NBPF11: variants seen among roughly 807,000 people sequenced by gnomAD.
The protein encoded by NBPF11 is NBPF family member NBPF11.
NBPF11 carries 72 observed loss-of-function variants against 93.9 expected under a neutral mutation model. The observed-to-expected ratio is 0.77, with a 90% CI of 0.63 to 0.93. The LOEUF (loss-of-function observed/expected upper bound fraction) is 0.93. Among genes scored for constraint, NBPF11 ranks in the 40% least tolerant of loss-of-function variants. The probability of loss-of-function intolerance (pLI) is 0.00; values close to 1 mark genes in which losing one functional copy is unlikely to be tolerated. For synonymous variants in NBPF11, 224 were observed against 304.9 expected, an observed-to-expected ratio of 0.73 and a Z score of 2.76; for missense variants, 705 against 802.2, an observed-to-expected ratio of 0.88 and a Z score of 1.46.
Position 148,103,771 on chromosome 1 carries a change from T to C in NBPF11, c.*125A>G. ...TGTCAAGGGCAAAGCTGATGTGCTG[T>C]TCCTCAAATGAGTAAAACACACTTC... is the stretch of plus-strand genomic sequence containing the variant. On this transcript the variant is annotated 3_prime_UTR_variant, in exon 24 of 24. Transcript: ENST00000682118. The C allele has an allele frequency of 2.5e-6, 4 of 1,611,890 alleles. No homozygotes were observed. The highest frequency in any genetic ancestry group is 2.2e-5 in the East Asian group (1 of 44,890).
chr1:148,131,173 AAAAG>A (rs1670273197), intron 4 of NBPF11, among the ~76,000 whole-genome samples: 1 of 151,264 alleles, frequency 6.6e-6, no homozygotes, highest in Admixed American at 6.6e-5. Flanking sequence ...AAAAAAAAAA[AAAAG>A]AAGCCAGTGC....
chr1:148,146,639 A>C (rs1673148927), intron 1 of NBPF11: 3 of 1,611,398 alleles, frequency 1.9e-6, no homozygotes, highest in Non-Finnish European at 2.5e-6. Context: ...AGCCAGCGCG[A>C]GCTGGACACC....
At chr1:148,130,528 C>A (rs1436523136) in intron 4 of NBPF11, among the ~76,000 whole-genome samples, 1 of 151,782 alleles carries the variant, frequency 6.6e-6, no homozygotes. Context: ...TGCTTCATTG[C>A]ATGTATTGTT....
rs1346083880 is a variant in NBPF11 at position 148,149,193 on chromosome 1, A to G, written c.-549+2557T>C. 212 of 1,576,626 alleles carry G rather than the reference A, an allele frequency of 1.3e-4. 3 individuals are homozygous for G. In the African/African-American group the frequency reaches 2.4e-3, roughly 18 times the overall value. ...ATCAGCCCGGACAGCATCATCCTGT[A>G]CGGGCAGAGCATCGGCACGGTGCCC... On this transcript the variant is annotated intron_variant, in intron 1 of 23. Transcript: ENST00000682118.
chr1:148,113,316 A>G (rs1253229933), intron 15 of NBPF11, among the ~76,000 whole-genome samples: 34 of 151,976 alleles, frequency 2.2e-4, no homozygotes, highest in Non-Finnish European at 4.7e-4. Context: ...CAGGGGTTGC[A>G]ATCCTAGTCT....
rs1474411355 is a variant in NBPF11, at chr1:148,127,234, T to C, written c.-35-196A>G. On this transcript the variant is annotated intron_variant, in intron 4 of 23. Coordinates refer to ENST00000682118, the MANE Select transcript of NBPF11 (RefSeq NM_001385469.3). ...TGCCTCAACTCAGAGCTGAAAGCAC[T>C]GCTCAGACTCTGATAAGAGTGAGGT... 2.8e-4 allele frequency: 70 copies of C among 252,428 alleles called. 1 individual carries two copies. The Middle Eastern group carries it at 2.9e-3, about 11-fold the overall frequency. The allele number at this position is 252,428 out of a possible 1,614,324, so 15.6% of individuals were successfully genotyped here.
intron 2 of NBPF11, among the ~76,000 whole-genome samples, chr1:148,138,919 T>C (rs1478731637): frequency 2.2e-4 from 34 of 151,520 alleles, no homozygotes; most frequent in African/African-American, 8.3e-4. Flanking sequence ...GAAGAAACCC[T>C]GTCTCTACCA....
chr1:148,102,679 G>T lies in NBPF11; in HGVS notation c.*1217C>A, dbSNP rs1662596318. 2.6e-5 allele frequency: 4 copies of T among 150,980 alleles called. No individual in the cohort carries two copies. The highest frequency in any genetic ancestry group is 5.9e-5 in the Non-Finnish European group (4 of 67,944). 9.4% of individuals were successfully genotyped at this position (150,980 alleles called of 1,614,324 possible). ...CAGCTGACCTGTCCTCTATAAACAA[G>T]TCCATGTCACCACCATCCATGACAA... On this transcript the variant is annotated 3_prime_UTR_variant, in exon 24 of 24. Coordinates refer to ENST00000682118, the MANE Select transcript of NBPF11 (RefSeq NM_001385469.3).
At chr1:148,111,539 C>T (rs1242924556) in intron 15 of NBPF11, among the ~76,000 whole-genome samples, 19 of 151,510 alleles carry the variant, frequency 1.3e-4, no homozygotes, top group Admixed American at 6.6e-5. Flanking sequence ...CCAGAATGAA[C>T]AGTGTAGAGA....
Position 148,143,453 on chromosome 1 carries a change from T to C in NBPF11, c.-315A>G, listed in dbSNP as rs1386054684. ...CAGCTCTTCATGTCGGCCCACACCA[T>C]GTGAAGCTGCTCTTGGTGCACTGAA... On this transcript the variant is annotated 5_prime_UTR_variant, in exon 2 of 24. It removes an upstream start codon present in the reference 5' UTR. Coordinates refer to ENST00000682118, the MANE Select transcript of NBPF11 (RefSeq NM_001385469.3). 92 of 955,390 alleles carry C rather than the reference T, an allele frequency of 9.6e-5. No individual in the cohort carries two copies. Among genetic ancestry groups the C allele is most frequent in the Non-Finnish European group, 1.1e-4 (82 of 737,816 alleles). 59.2% of individuals were successfully genotyped at this position (955,390 alleles called of 1,614,324 possible).
chr1:148,145,271 G>A (rs1235766060), intron 1 of NBPF11, among the ~76,000 whole-genome samples: 2 of 134,630 alleles, frequency 1.5e-5, no homozygotes, highest in Non-Finnish European at 3.1e-5. Flanking sequence ...GAGTACAGTA[G>A]TGTAATCTCG....
chr1:148,120,614 T>C lies in NBPF11; in HGVS notation c.875A>G (p.Asn292Ser), dbSNP rs1571442525. The change falls in exon 10 of 24, where the codon AAT becomes AGT. Residue 292 changes from asparagine (N) to serine (S), a missense_variant. Physicochemically the swap from Asn to Ser is conservative, Grantham distance 46. Coordinates refer to ENST00000682118, the MANE Select transcript of NBPF11 (RefSeq NM_001385469.3). Reference sequence around the variant, plus strand: ...TGCCAGCTGGGGGCACAATTTCTCATTGATTTCTAGAATGTTCATCTCTGC... The same window carrying C: ...TGCCAGCTGGGGGCACAATTTCTCACTGATTTCTAGAATGTTCATCTCTGC... ...EKAEMNILEINEKLCPQLAEK... is the reference protein window; with the variant it reads ...EKAEMNILEISEKLCPQLAEK... The C allele has an allele frequency of 3.3e-6, 5 of 1,518,770 alleles. No individual in the cohort carries two copies. In the East Asian group the frequency reaches 9.1e-5, roughly 28 times the overall value. The allele number at this position is 1,518,770 out of a possible 1,614,324, so 94.1% of individuals were successfully genotyped here. A position where few individuals can be genotyped will look rare whatever the true frequency, so the allele number is the denominator to read the frequency against.
intron 2 of NBPF11, among the ~76,000 whole-genome samples, 159 bp downstream of exon 2, chr1:148,143,256 T>C (rs1445572432): frequency 1.3e-5 from 2 of 152,042 alleles, no homozygotes; most frequent in Non-Finnish European, 2.9e-5. Flanking sequence ...GCTGTGAATA[T>C]TTGTTCATTC....
intron 15 of NBPF11, among the ~76,000 whole-genome samples, chr1:148,111,398 T>G (rs1553268605): frequency 6.6e-6 from 1 of 152,056 alleles, no homozygotes; most frequent in Non-Finnish European, 1.5e-5. Context: ...GGATAGAGAA[T>G]GACTTTGACG....
chr1:148,122,317 T>G, intron 8 of NBPF11, 51 bp from the exon 9 acceptor site: 1 of 1,610,252 alleles, frequency 6.2e-7, no homozygotes, highest in Non-Finnish European at 8.5e-7. Flanking sequence ...ACAGAGGGAT[T>G]GGACCCCAAG....
chr1:148,108,754 A>G, intron 17 of NBPF11, 100 bp from the exon 18 acceptor site: 2 of 771,404 alleles, frequency 2.6e-6, no homozygotes, highest in South Asian at 2.8e-5. Flanking sequence ...GTTTGAAAAG[A>G]AAAAGGACAG....
intron 23 of NBPF11, 78 bp from the exon 24 acceptor site, chr1:148,103,990 CA>C: frequency 6.2e-7 from 1 of 1,608,730 alleles, no homozygotes; most frequent in Non-Finnish European, 8.5e-7. Flanking sequence ...TCAGAAGTAA[CA>C]TAAGGAAGTG....
intron 4 of NBPF11, 115 bp from the exon 5 acceptor site, chr1:148,127,153 T>C: frequency 2.5e-6 from 1 of 402,750 alleles, no homozygotes; most frequent in Non-Finnish European, 4.2e-6. Flanking sequence ...TTGTGAAAAA[T>C]GTGATCACTC....
chr1:148,123,605 G>C (rs1341330892), intron 7 of NBPF11, among the ~76,000 whole-genome samples: 5 of 151,618 alleles, frequency 3.3e-5, no homozygotes, highest in Admixed American at 3.3e-4. Context: ...TTTAAAACTA[G>C]ATAGATGCTG....
Sources: gnomAD v4.1 joint callset for allele counts (sites outside exome capture counted in the v4.1 genomes callset) on GRCh38, gnomAD v4.1.1 for gene constraint, MANE v1.5 for transcripts, NCBI Gene and HGNC (gene_info 2026-07-23, HGNC 2026-07-21) for gene names.